Variants in ATPAF1 observed in about 807,000 individuals in gnomAD.
ATPAF1 encodes homolog of yeast ATP11.
Under a neutral mutation model 43.9 loss-of-function variants are expected in ATPAF1, and 26 were observed. The ratio of observed to expected loss-of-function variants is 0.59; its 90% CI spans 0.43 to 0.82. The LOEUF is 0.82. ATPAF1 is among the 40% of genes least tolerant of loss of function. The pLI is 0.00. For missense variants in ATPAF1, 366 were observed against 435.0 expected (o/e 0.84, Z 1.41); for synonymous variants, 157 against 168.0 (o/e 0.93, Z 0.50).
intron 8 of ATPAF1, among the ~76,000 whole-genome samples, chr1:46,641,066 A>ATTTAT (rs766562842): frequency 1.3e-5 from 2 of 151,612 alleles, no homozygotes; most frequent in African/African-American, 2.4e-5. Flanking sequence ...CTGGATCTTT[A>ATTTAT]TTTATTTTAT....
intron 6 of ATPAF1, among the ~76,000 whole-genome samples, chr1:46,651,591 G>T (rs922488394): frequency 3.3e-4 from 50 of 151,954 alleles, no homozygotes; most frequent in Non-Finnish European, 5.2e-4. Context: ...TTCCACAATG[G>T]TTGAACTAGT....
intron 6 of ATPAF1, among the ~76,000 whole-genome samples, chr1:46,646,766 G>A (rs971829919): frequency 6.6e-6 from 1 of 152,158 alleles, no homozygotes; most frequent in Non-Finnish European, 1.5e-5. Context: ...TGACATATGT[G>A]TACTGTGAAA....
intron 6 of ATPAF1, among the ~76,000 whole-genome samples, chr1:46,650,239 C>G (rs759673951): frequency 4.4e-4 from 67 of 150,598 alleles, no homozygotes; most frequent in African/African-American, 1.6e-3. Context: ...GTTTGAACAG[C>G]TATTACGAAA....
intron 2 of ATPAF1, 124 bp downstream of exon 2, chr1:46,665,132 G>T (rs976965868): frequency 9.6e-6 from 8 of 832,352 alleles, no homozygotes; most frequent in African/African-American, 5.1e-5. Flanking sequence ...AAATGGAGTT[G>T]GGAGAGACTA....
intron 4 of ATPAF1, 142 bp from the exon 5 acceptor site, chr1:46,654,009 T>C (rs906519553): frequency 1.6e-5 from 10 of 621,702 alleles, no homozygotes; most frequent in East Asian, 2.9e-5. Flanking sequence ...CTTTCATTAC[T>C]AGCACATCAC....
intron 2 of ATPAF1, chr1:46,664,979 C>T: frequency 2.6e-6 from 1 of 385,998 alleles, no homozygotes. Flanking sequence ...TCTCTGATAC[C>T]TCTAGCCTAC....
At chr1:46,660,204 T>C (rs546276759) in intron 2 of ATPAF1, among the ~76,000 whole-genome samples, 2 of 152,250 alleles carry the variant, frequency 1.3e-5, no homozygotes, top group Non-Finnish European at 2.9e-5. Context: ...TCTTGACTTC[T>C]GGCCTCAAGT....
chr1:46,662,461 T>A (rs1676408208), intron 2 of ATPAF1, among the ~76,000 whole-genome samples: 1 of 151,704 alleles, frequency 6.6e-6, no homozygotes, highest in Admixed American at 6.6e-5. Flanking sequence ...ATTTTTTTTT[T>A]TTTTGCCCAG....
chr1:46,656,302 T>C (rs1324683173), intron 4 of ATPAF1, among the ~76,000 whole-genome samples: 1 of 152,190 alleles, frequency 6.6e-6, no homozygotes, highest in Non-Finnish European at 1.5e-5. Context: ...CAGAGTGAGC[T>C]AGTGTTGAAG....
intron 8 of ATPAF1, among the ~76,000 whole-genome samples, chr1:46,640,561 G>A (rs564059988): frequency 9.2e-4 from 140 of 152,328 alleles, no homozygotes; most frequent in Middle Eastern, 3.4e-3. Flanking sequence ...TTGAGCCTGG[G>A]AGGTGGATGT....
intron 2 of ATPAF1, among the ~76,000 whole-genome samples, chr1:46,662,291 T>A (rs1676404473): frequency 6.6e-6 from 1 of 152,198 alleles, no homozygotes; most frequent in Non-Finnish European, 1.5e-5. Context: ...TTCCAAGAGC[T>A]ATTGACTTGT....
At chr1:46,651,357 C>G (rs1312671365) in intron 6 of ATPAF1, among the ~76,000 whole-genome samples, 1 of 151,800 alleles carries the variant, frequency 6.6e-6, no homozygotes, top group East Asian at 1.9e-4. Context: ...GCATAGTATT[C>G]CATGGTGTAT....
At chr1:46,664,336 C>T (rs141654629) in intron 2 of ATPAF1, among the ~76,000 whole-genome samples, 1 of 152,244 alleles carries the variant, frequency 6.6e-6, no homozygotes, top group East Asian at 1.9e-4. Flanking sequence ...TGTTATTATT[C>T]CTGTTTTACA....
intron 1 of ATPAF1, among the ~76,000 whole-genome samples, chr1:46,667,153 C>A (rs1301624477): frequency 6.6e-6 from 1 of 152,044 alleles, no homozygotes; most frequent in Admixed American, 6.5e-5. Context: ...GTAAAGTAGT[C>A]CAGGAATGGA....
intron 1 of ATPAF1, 167 bp from the exon 2 acceptor site, chr1:46,665,531 T>C (rs972446472): frequency 2.5e-6 from 3 of 1,218,846 alleles, no homozygotes; most frequent in Non-Finnish European, 3.4e-6. Flanking sequence ...ATAAAGAAAC[T>C]GGAAAAAGAA....
chr1:46,665,634 C>T (rs1187896555), intron 1 of ATPAF1: 23 of 1,528,390 alleles, frequency 1.5e-5, no homozygotes, highest in Non-Finnish European at 2.0e-5. Context: ...GGCTTAGTCT[C>T]TCAGGTACTT....
chr1:46,633,431 A>C (rs375031825), downstream of ATPAF1: 3 of 212,690 alleles, frequency 1.4e-5, no homozygotes, highest in Non-Finnish European at 2.8e-5. Context: ...AAAAAACCCC[A>C]AAATTAGATA....
At chr1:46,636,039 G>A (rs1336847295) in intron 8 of ATPAF1, 69 bp from the exon 9 acceptor site, 1 of 1,553,918 alleles carries the variant, frequency 6.4e-7, no homozygotes. Context: ...TGAATTGTGT[G>A]GTGGGTGGGG....
intron 6 of ATPAF1, chr1:46,652,343 A>C: frequency 7.2e-6 from 3 of 413,994 alleles, no homozygotes; most frequent in Non-Finnish European, 1.3e-5. Context: ...TTACTGGGTC[A>C]AACCCACATG....
Sources: gnomAD v4.1 joint callset for allele counts (sites outside exome capture counted in the v4.1 genomes callset) on GRCh38, gnomAD v4.1.1 for gene constraint, MANE v1.5 for transcripts, NCBI Gene and HGNC (gene_info 2026-07-23, HGNC 2026-07-21) for gene names.